Variants in FGF14 observed in about 807,000 individuals in gnomAD.
The protein encoded by FGF14 is fibroblast growth factor 14.
Under a neutral mutation model 25.5 loss-of-function variants are expected in FGF14, and 5 were observed. The observed-to-expected ratio is 0.20, with a 90% confidence interval of 0.10 to 0.41. The LOEUF (loss-of-function observed/expected upper bound fraction) is 0.41, where lower values mean the gene tolerates loss of function less well. Ranked by LOEUF, FGF14 falls within the 10% of genes least tolerant of loss-of-function variation. FGF14 has a pLI of 1.00. For synonymous variants in FGF14, 138 were observed against 118.3 expected (o/e 1.17, Z -1.08); for missense variants, 222 against 320.1 (o/e 0.69, Z 2.34).
intron 1 of FGF14, among the ~76,000 whole-genome samples, chr13:101,927,790 C>A (rs560089792): frequency 6.6e-6 from 1 of 152,134 alleles, no homozygotes; most frequent in African/African-American, 2.4e-5. Flanking sequence ...GCTTTCCCAA[C>A]ACACAGCTCC....
intron 1 of FGF14, among the ~76,000 whole-genome samples, chr13:101,929,499 C>G (rs2034602940): frequency 6.6e-6 from 1 of 152,156 alleles, no homozygotes; most frequent in South Asian, 2.1e-4. Flanking sequence ...GACATTCACA[C>G]CAGCTGTAGA....
At chr13:102,000,043 C>T (rs1053819817) in intron 1 of FGF14, among the ~76,000 whole-genome samples, 5 of 152,200 alleles carry the variant, frequency 3.3e-5, no homozygotes, top group Middle Eastern at 3.4e-3. Context: ...TTGCCGGGCG[C>T]GGTGGCTCAC....
intron 3 of FGF14, among the ~76,000 whole-genome samples, chr13:101,822,101 A>G (rs550663011): frequency 3.0e-3 from 453 of 152,236 alleles, no homozygotes; most frequent in Non-Finnish European, 5.1e-3. Context: ...TGAGATAGTC[A>G]TTTGTGTTGT....
chr13:102,031,021 A>T (rs1429342072), intron 1 of FGF14, among the ~76,000 whole-genome samples: 1 of 152,132 alleles, frequency 6.6e-6, no homozygotes, highest in African/African-American at 2.4e-5. Flanking sequence ...TTTATAACAT[A>T]AGTCAAAATA....
intron 3 of FGF14, among the ~76,000 whole-genome samples, chr13:101,782,637 G>T (rs919606422): frequency 6.6e-6 from 1 of 152,274 alleles, no homozygotes; most frequent in East Asian, 1.9e-4. Context: ...AGAACATGTG[G>T]TATTTGGTTT....
At chr13:102,037,445 T>C (rs1352489581) in intron 1 of FGF14, among the ~76,000 whole-genome samples, 2 of 152,122 alleles carry the variant, frequency 1.3e-5, no homozygotes, top group South Asian at 4.1e-4. Context: ...GTGCTTTTCC[T>C]CCATAAACTC....
intron 1 of FGF14, among the ~76,000 whole-genome samples, chr13:102,384,441 TCACCA>T (rs764785887): frequency 6.0e-4 from 91 of 152,312 alleles, no homozygotes; most frequent in Non-Finnish European, 7.1e-4. Context: ...TTCTTGGTAC[TCACCA>T]CACTCTCTCA....
At position 102,393,217 on chromosome 13, in the gene FGF14, T is replaced by C. The variant is rs75119655; in HGVS notation, c.208+8254A>G. Among the ~76,000 whole-genome samples the C allele has an allele frequency of 3.5e-4, 53 of 152,284 alleles. 1 individual carries two copies. The East Asian group carries it at 9.9e-3, about 28-fold the overall frequency. On this transcript the variant is annotated intron_variant, in intron 1 of 4. Transcript: ENST00000376131. ...TGGCCCTATAGCACCTTGGTCCACC[T>C]ACACAGAATTGTTCACCACATCATA...
At chr13:102,088,588 A>T (rs1329829665) in intron 1 of FGF14, among the ~76,000 whole-genome samples, 1 of 152,182 alleles carries the variant, frequency 6.6e-6, no homozygotes, top group Non-Finnish European at 1.5e-5. Context: ...AATATTTTCT[A>T]ACTGAGAAAT....
At chr13:102,185,006 A>C (rs1191192107) in intron 1 of FGF14, among the ~76,000 whole-genome samples, 5 of 152,206 alleles carry the variant, frequency 3.3e-5, no homozygotes, top group African/African-American at 1.2e-4. Flanking sequence ...TAAACATAAA[A>C]GCTTTTTAAT....
chr13:102,274,034 A>G (rs1398012621), intron 1 of FGF14, among the ~76,000 whole-genome samples: 1 of 152,102 alleles, frequency 6.6e-6, no homozygotes, highest in Non-Finnish European at 1.5e-5. Context: ...AAGAAAAGAA[A>G]AAAGAAACTG....
intron 1 of FGF14, among the ~76,000 whole-genome samples, chr13:102,280,340 G>C (rs1355667266): frequency 6.6e-6 from 1 of 152,152 alleles, no homozygotes; most frequent in Non-Finnish European, 1.5e-5. Context: ...AAAATACCTG[G>C]AGAGACTGTT....
At chr13:102,107,892 C>T (rs772028543) in intron 1 of FGF14, among the ~76,000 whole-genome samples, 112 of 152,124 alleles carry the variant, frequency 7.4e-4, no homozygotes, top group Non-Finnish European at 1.4e-3. Context: ...TTTTGCCTTC[C>T]TTAGCAATAG....
chr13:102,041,276 GAAGA>G (rs1376631028), intron 1 of FGF14, among the ~76,000 whole-genome samples: 1 of 151,916 alleles, frequency 6.6e-6, no homozygotes, highest in Non-Finnish European at 1.5e-5. Context: ...GACTATCCTA[GAAGA>G]AATAATAGTT....
rs551573961 is a variant in FGF14, at chr13:101,713,792, A to G, written c.*9039T>C. The stretch of plus-strand genomic sequence containing the variant: ...AGAAATGGGTGAAGTGGAGGGAAAA[A>G]GAGTTGAATCCAGAGCCTCATAAAA... On this transcript the variant is annotated 3_prime_UTR_variant, in exon 5 of 5. Coordinates refer to ENST00000376143, the MANE Select transcript of FGF14 (RefSeq NM_004115.4). 2 of 152,122 alleles carry G rather than the reference A, an allele frequency of 1.3e-5. No individual in the cohort carries two copies. Among genetic ancestry groups the G allele is most frequent in the Non-Finnish European group, 2.9e-5 (2 of 68,014 alleles). 9.4% of individuals were successfully genotyped at this position (152,122 alleles called of 1,614,324 possible).
At chr13:102,208,162 C>A (rs1351554551) in intron 1 of FGF14, among the ~76,000 whole-genome samples, 1 of 152,134 alleles carries the variant, frequency 6.6e-6, no homozygotes, top group Admixed American at 6.5e-5. Flanking sequence ...GTGAGAGATT[C>A]GCAAGGGGAA....
intron 1 of FGF14, among the ~76,000 whole-genome samples, chr13:102,137,402 T>C (rs1398603702): frequency 6.6e-6 from 1 of 152,236 alleles, no homozygotes. Context: ...CTACACATAG[T>C]TGTCCAGGCT....
At chr13:102,055,703 G>A (rs1314659152) in intron 1 of FGF14, among the ~76,000 whole-genome samples, 1 of 152,148 alleles carries the variant, frequency 6.6e-6, no homozygotes, top group East Asian at 1.9e-4. Flanking sequence ...AACACAGGGG[G>A]TGGCAAACCA....
chr13:101,832,161 C>T (rs1207830520), intron 3 of FGF14, among the ~76,000 whole-genome samples: 16 of 151,946 alleles, frequency 1.1e-4, no homozygotes. Context: ...GCACTGTGAC[C>T]ACAGAGGCAG....
Sources: allele counts gnomAD v4.1 joint callset (sites outside exome capture counted in the v4.1 genomes callset), GRCh38; gene constraint gnomAD v4.1.1; transcripts MANE v1.5; gene names NCBI Gene and HGNC (gene_info 2026-07-23, HGNC 2026-07-21).